Variants in SCAMP1 observed in about 807,000 individuals in gnomAD.
SCAMP1 encodes secretory carrier membrane protein 1.
In SCAMP1, 15 loss-of-function variants were observed where a neutral mutation model predicts 41.8. That is an observed-to-expected ratio of 0.36 (90% CI 0.24 to 0.55). The LOEUF is 0.55. Among genes scored for constraint, SCAMP1 ranks in the 20% least tolerant of loss-of-function variants. The probability of loss-of-function intolerance (pLI) is 0.86; values close to 1 mark genes in which losing one functional copy is unlikely to be tolerated. For synonymous variants in SCAMP1, 135 were observed against 136.8 expected, an observed-to-expected ratio of 0.99 and a Z score of 0.09; for missense variants, 341 against 412.6, an observed-to-expected ratio of 0.83 and a Z score of 1.50.
intron 2 of SCAMP1, among the ~76,000 whole-genome samples, chr5:78,390,859 CG>C (rs1291507730): frequency 6.7e-6 from 1 of 150,134 alleles, no homozygotes; most frequent in African/African-American, 2.5e-5. Flanking sequence ...TGACTCTTAA[CG>C]AGCATGCTGC....
rs375560109 is a variant in SCAMP1, at chr5:78,371,890, C to T, written c.57+11162C>T. Among the ~76,000 whole-genome samples, 25 of 152,182 alleles carry T rather than the reference C, an allele frequency of 1.6e-4. No individual in the cohort carries two copies. The South Asian group carries it at 1.7e-3, about 10-fold the overall frequency. ...CAAAGGATATGCGTATAGTGTAAAG[C>T]GTTATGCATTTTGAGTATTGCTGAA... is the stretch of plus-strand genomic sequence containing the variant. On this transcript the variant is annotated intron_variant, in intron 1 of 8. Transcript: ENST00000621999.
chr5:78,424,995 G>T, intron 6 of SCAMP1, among the ~76,000 whole-genome samples: 1 of 152,152 alleles, frequency 6.6e-6, no homozygotes, highest in East Asian at 1.9e-4. Context: ...TTAAATGAGG[G>T]ATATTTGTAG....
chr5:78,421,390 T>G (rs1240847841), intron 5 of SCAMP1, among the ~76,000 whole-genome samples: 1 of 152,254 alleles, frequency 6.6e-6, no homozygotes, highest in Non-Finnish European at 1.5e-5. Flanking sequence ...GTGTTTAGTC[T>G]GCAGCCCCAT....
intron 2 of SCAMP1, among the ~76,000 whole-genome samples, chr5:78,397,036 A>G (rs549300219): frequency 4.4e-4 from 67 of 152,228 alleles, no homozygotes; most frequent in Admixed American, 7.9e-4. Flanking sequence ...AGTTTTTTTT[A>G]GGGAAGAGGA....
intron 6 of SCAMP1, among the ~76,000 whole-genome samples, chr5:78,448,856 T>C (rs541133567): frequency 5.3e-5 from 8 of 152,150 alleles, no homozygotes; most frequent in African/African-American, 1.9e-4. Flanking sequence ...CAAAATTAGC[T>C]GGGCATGGTG....
intron 1 of SCAMP1, among the ~76,000 whole-genome samples, chr5:78,380,325 G>A (rs1388426965): frequency 1.3e-5 from 2 of 152,160 alleles, no homozygotes; most frequent in Admixed American, 6.5e-5. Flanking sequence ...GTGAGACTGT[G>A]GGTCAAAGGA....
chr5:78,442,660 A>T (rs529100024), intron 6 of SCAMP1, among the ~76,000 whole-genome samples: 2 of 152,128 alleles, frequency 1.3e-5, no homozygotes, highest in East Asian at 1.9e-4. Context: ...CTTTTATTTA[A>T]TTTTTTTGTT....
chr5:78,363,180 C>T (rs1413782314), intron 1 of SCAMP1, among the ~76,000 whole-genome samples: 1 of 151,228 alleles, frequency 6.6e-6, no homozygotes, highest in Non-Finnish European at 1.5e-5. Flanking sequence ...GCGGGAGCCA[C>T]TGCGTTCAAG....
At chr5:78,392,048 GAGAGGGAGAGGGAGACCGTGGAA>G (rs1751530218) in intron 2 of SCAMP1, among the ~76,000 whole-genome samples, 1 of 96,038 alleles carries the variant, frequency 1.0e-5, no homozygotes, top group East Asian at 2.3e-4. Context: ...ACCGTGGAAA[GAGAGGGAGAGGGAGACCGTGGAA>G]AGAGAGGGAG....
chr5:78,413,752 G>A (rs560642767), intron 2 of SCAMP1, among the ~76,000 whole-genome samples: 1 of 152,244 alleles, frequency 6.6e-6, no homozygotes, highest in East Asian at 1.9e-4. Flanking sequence ...TTTAGAATCA[G>A]CTGAACTACA....
chr5:78,475,189 A>C (rs1753976046), intron 8 of SCAMP1, among the ~76,000 whole-genome samples: 1 of 152,162 alleles, frequency 6.6e-6, no homozygotes, highest in Non-Finnish European at 1.5e-5. Context: ...TTTCATTGTA[A>C]TGCTGTAATA....
At chr5:78,365,466 T>C (rs6872144) in intron 1 of SCAMP1, among the ~76,000 whole-genome samples, 1,957 of 97,182 alleles carry the variant, frequency 0.02, 46 homozygotes, top group African/African-American at 0.077. Flanking sequence ...AGTGCGAGAC[T>C]CATCTCAAAA....
intron 6 of SCAMP1, among the ~76,000 whole-genome samples, chr5:78,422,427 G>T (rs1752360298): frequency 1.3e-5 from 2 of 151,706 alleles, no homozygotes; most frequent in African/African-American, 4.8e-5. Context: ...TCCATTTTAG[G>T]TTTTTTCAAA....
At chr5:78,405,983 G>A (rs1374051026) in intron 2 of SCAMP1, among the ~76,000 whole-genome samples, 2 of 152,176 alleles carry the variant, frequency 1.3e-5, no homozygotes, top group African/African-American at 2.4e-5. Context: ...AATAACAAGG[G>A]AATCTGTGTT....
chr5:78,450,631 C>T (rs1044497818), intron 7 of SCAMP1, among the ~76,000 whole-genome samples: 1 of 152,188 alleles, frequency 6.6e-6, no homozygotes, highest in African/African-American at 2.4e-5. Context: ...CTGATGCAAA[C>T]ATTCCTTGAG....
At chr5:78,453,842 T>G (rs1227378006) in intron 7 of SCAMP1, among the ~76,000 whole-genome samples, 8 of 151,160 alleles carry the variant, frequency 5.3e-5, no homozygotes, top group African/African-American at 1.7e-4. Flanking sequence ...TCCATTTGTT[T>G]GTATCCTCTT....
chr5:78,392,076 A>C (rs905377249), intron 2 of SCAMP1, among the ~76,000 whole-genome samples: 2 of 149,276 alleles, frequency 1.3e-5, no homozygotes, highest in African/African-American at 4.9e-5. Context: ...GTGGAAAGAG[A>C]GGGAGAGGGA....
At chr5:78,451,773 G>A (rs1362618731) in intron 7 of SCAMP1, among the ~76,000 whole-genome samples, 1 of 152,196 alleles carries the variant, frequency 6.6e-6, no homozygotes, top group East Asian at 1.9e-4. Context: ...TCATGCCTCA[G>A]CCTCCCGAGT....
At chr5:78,464,623 C>T (rs1753698759) in intron 8 of SCAMP1, among the ~76,000 whole-genome samples, 2 of 151,996 alleles carry the variant, frequency 1.3e-5, no homozygotes, top group South Asian at 4.2e-4. Context: ...TGACGTGGAT[C>T]TGGGATTGGG....
Sources: gnomAD v4.1 joint callset for allele counts (sites outside exome capture counted in the v4.1 genomes callset) on GRCh38, gnomAD v4.1.1 for gene constraint, MANE v1.5 for transcripts, NCBI Gene and HGNC (gene_info 2026-07-23, HGNC 2026-07-21) for gene names.